The following KDM8 variants were observed in gnomAD, a reference collection of about 807,000 sequenced individuals.
The protein encoded by KDM8 is bifunctional peptidase and arginyl-hydroxylase JMJD5.
In KDM8, 35 loss-of-function variants were observed where a neutral mutation model predicts 46.9. The observed-to-expected ratio is 0.75, with a 90% CI of 0.57 to 0.99. The LOEUF (loss-of-function observed/expected upper bound fraction) is 0.99. Ranked by LOEUF, KDM8 falls within the 50% of genes least tolerant of loss-of-function variation. The pLI is 0.00. For missense variants in KDM8, 475 were observed against 537.0 expected, an observed-to-expected ratio of 0.88 and a Z score of 1.14; for synonymous variants, 232 against 227.7, an observed-to-expected ratio of 1.02 and a Z score of -0.17.
At position 27,221,173 on chromosome 16, in the gene KDM8, G is replaced by A. The variant is rs2083621706; in HGVS notation, c.*443G>A. 3.1e-6 allele frequency: 1 copy of A among 327,510 alleles called. No homozygotes were observed. The highest frequency in any genetic ancestry group is 2.5e-5 in the South Asian group (1 of 39,676). 20.3% of individuals were successfully genotyped at this position (327,510 alleles called of 1,614,324 possible). A position where few individuals can be genotyped will look rare whatever the true frequency, so the allele number is the denominator to read the frequency against. ...TCGCTGTGCCCATATGGAAAAGAGG[G>A]CAAGGCCAGTCCTCACTGCCGAGGG... On this transcript the variant is annotated 3_prime_UTR_variant, in exon 8 of 8. Transcript: ENST00000286096.
At chr16:27,215,864 G>A in intron 4 of KDM8, 81 bp from the exon 5 acceptor site, 2 of 1,439,630 alleles carry the variant, frequency 1.4e-6, no homozygotes, top group East Asian at 4.5e-5. Flanking sequence ...GCTGGGGCCA[G>A]CTGGACAGCA....
At chr16:27,209,934 G>A (rs1322025276) in intron 1 of KDM8, among the ~76,000 whole-genome samples, 159 bp from the exon 2 acceptor site, 2 of 152,240 alleles carry the variant, frequency 1.3e-5, no homozygotes, top group Non-Finnish European at 2.9e-5. Flanking sequence ...ATACAGTGGT[G>A]ACCCCAGACA....
chr16:27,212,459 C>T (rs1002816314), intron 2 of KDM8, among the ~76,000 whole-genome samples: 2 of 152,312 alleles, frequency 1.3e-5, no homozygotes, highest in Admixed American at 6.5e-5. Context: ...GCAGGCCGGG[C>T]ATGGTGGCTC....
rs1432931830 is a variant in KDM8 at position 27,221,681 on chromosome 16, G to A, written c.*951G>A. 1 of 152,264 alleles carries A rather than the reference G, an allele frequency of 6.6e-6. No individual in the cohort carries two copies. The highest frequency in any genetic ancestry group is 1.5e-5 in the Non-Finnish European group (1 of 68,076). 9.4% of individuals were successfully genotyped at this position (152,264 alleles called of 1,614,324 possible). On this transcript the variant is annotated 3_prime_UTR_variant, in exon 8 of 8. Coordinates refer to ENST00000286096, the MANE Select transcript of KDM8 (RefSeq NM_024773.3). ...TTGTGTCTCGTTTGTGTGCACGCAG[G>A]TTTGTTTTATGTTTTGGCCATTAAG...
chr16:27,218,612 C>T (rs765346889), intron 5 of KDM8, among the ~76,000 whole-genome samples: 34 of 152,128 alleles, frequency 2.2e-4, no homozygotes, highest in Non-Finnish European at 3.7e-4. Context: ...GAGGCCGAGG[C>T]GGGTGGATCA....
At position 27,220,398 on chromosome 16, in the gene KDM8, G is replaced by T; in HGVS notation, c.999G>T (p.Met333Ile). The T allele has an allele frequency of 6.2e-7, 1 of 1,613,782 alleles. No homozygotes were observed. Among genetic ancestry groups the T allele is most frequent in the Non-Finnish European group, 8.5e-7 (1 of 1,179,756 alleles). ...GTCAGGGTCTCTCTCCCCAGGTGAT[G>T]GGGAGGAAGTACATCCGGCTGTATT... is the stretch of plus-strand genomic sequence containing the variant. ...DPQQNFLVQV[M>I]GRKYIRLYSP... The change falls in exon 7 of 8, where the codon ATG becomes ATT. Residue 333 changes from methionine to isoleucine, a missense_variant. Physicochemically the swap from Met to Ile is conservative, Grantham distance 10. Transcript: ENST00000286096.
chr16:27,206,783 G>A (rs1265359940), intron 1 of KDM8, among the ~76,000 whole-genome samples: 2 of 152,146 alleles, frequency 1.3e-5, no homozygotes, highest in East Asian at 1.9e-4. Context: ...CCTGTGGCTC[G>A]CACCTGACCT....
chr16:27,204,388 G>A, intron 1 of KDM8: 1 of 1,243,088 alleles, frequency 8.0e-7, no homozygotes, highest in Non-Finnish European at 1.0e-6. Context: ...GCCCCTTAGA[G>A]AGCCAAAGGG....
At chr16:27,218,351 A>G (rs1354431311) in intron 5 of KDM8, among the ~76,000 whole-genome samples, 2 of 152,152 alleles carry the variant, frequency 1.3e-5, no homozygotes, top group African/African-American at 4.8e-5. Context: ...GTGAACATCC[A>G]AGATCGCTTG....
chr16:27,216,417 G>A (rs895613564), intron 5 of KDM8, among the ~76,000 whole-genome samples: 22 of 152,262 alleles, frequency 1.4e-4, no homozygotes, highest in East Asian at 1.9e-4. Flanking sequence ...GAGCTGGGGC[G>A]CCCAGGAGGG....
rs748983779 is a variant in KDM8 at position 27,210,306 on chromosome 16, G to A, written c.183G>A (p.Arg61=). Residue 61 remains arginine, a synonymous_variant, in exon 2 of 8, where the codon AGG becomes AGA. Transcript: ENST00000286096. ...CTGAGCTCTTCTACGAGGGCAGGAG[G>A]GACGAGTGTCTGCAGAGCAGCGAGG... ...RATELFYEGR[R]DECLQSSEVI... is the part of the protein sequence containing the mutation. The A allele has an allele frequency of 7.4e-6, 12 of 1,613,326 alleles. No homozygotes were observed. The East Asian group carries it at 1.6e-4, about 21-fold the overall frequency.
intron 5 of KDM8, 68 bp from the exon 6 acceptor site, chr16:27,218,893 C>T (rs867918000): frequency 7.0e-6 from 11 of 1,565,406 alleles, no homozygotes; most frequent in Middle Eastern, 3.4e-4. Context: ...TCTGACTCTT[C>T]GTTGGCCTCC....
At chr16:27,211,930 A>C (rs1420801031) in intron 2 of KDM8, among the ~76,000 whole-genome samples, 3 of 152,150 alleles carry the variant, frequency 2.0e-5, no homozygotes, top group African/African-American at 7.2e-5. Context: ...TCAGCCTCCT[A>C]AGTGCTGGGA....
At chr16:27,214,603 G>A in intron 3 of KDM8, 1 of 412,142 alleles carries the variant, frequency 2.4e-6, no homozygotes, top group South Asian at 3.7e-5. Context: ...AAGTGAGGAG[G>A]CTGTTGGCAA....
At chr16:27,206,272 CTTT>C (rs112161125) in intron 1 of KDM8, 176 of 764,192 alleles carry the variant, frequency 2.3e-4, no homozygotes, top group Non-Finnish European at 2.5e-4. Context: ...TGTGCGTGTG[CTTT>C]TTTTTTTTTT....
intron 4 of KDM8, 64 bp downstream of exon 4, chr16:27,215,072 A>G: frequency 6.3e-7 from 1 of 1,574,888 alleles, no homozygotes; most frequent in Non-Finnish European, 8.7e-7. Flanking sequence ...CATTTAGGCA[A>G]ATAACCCCCC....
chr16:27,209,551 C>CTTGG (rs1252420874), intron 1 of KDM8, among the ~76,000 whole-genome samples: 2 of 152,228 alleles, frequency 1.3e-5, no homozygotes, highest in African/African-American at 2.4e-5. Context: ...CAAAGCCTGG[C>CTTGG]ACTCCTGAGT....
chr16:27,213,451 A>T, intron 2 of KDM8, 134 bp from the exon 3 acceptor site: 1 of 834,352 alleles, frequency 1.2e-6, no homozygotes, highest in Non-Finnish European at 1.9e-6. Flanking sequence ...AATAATAACA[A>T]ACGTTGTCTA....
rs201400247 is a variant in KDM8, at chr16:27,220,365, A to G, written c.994-28A>G. ...GGGGCAGCAGTGGAGTGAGGCCACC[A>G]GCTGACTGTCAGGGTCTCTCTCCCC... On this transcript the variant is annotated intron_variant, in intron 6 of 7. Transcript: ENST00000286096. 5.6e-5 allele frequency: 90 copies of G among 1,600,782 alleles called. No homozygotes were observed. In the East Asian group the frequency reaches 1.5e-3, roughly 26 times the overall value.
Sources: allele counts gnomAD v4.1 joint callset (sites outside exome capture counted in the v4.1 genomes callset), GRCh38; gene constraint gnomAD v4.1.1; transcripts MANE v1.5; gene names NCBI Gene and HGNC (gene_info 2026-07-23, HGNC 2026-07-21).